Variants in ARHGAP11B observed in about 807,000 individuals in gnomAD.
ARHGAP11B encodes inactive Rho GTPase-activating protein 11B.
ARHGAP11B carries 14 observed loss-of-function variants against 27.6 expected under a neutral mutation model. The ratio of observed to expected loss-of-function variants is 0.51; its 90% CI spans 0.34 to 0.79. ARHGAP11B has a LOEUF of 0.79. Among genes scored for constraint, ARHGAP11B ranks in the 30% least tolerant of loss-of-function variants. The pLI is 0.02. For synonymous variants in ARHGAP11B, 82 were observed against 114.1 expected, an observed-to-expected ratio of 0.72 and a Z score of 1.80; for missense variants, 245 against 320.1, an observed-to-expected ratio of 0.77 and a Z score of 1.79.
At position 30,638,733 on chromosome 15, in the gene ARHGAP11B, T is replaced by C. The variant is rs998521965; in HGVS notation, c.*4-13T>C. ...AAATGTGAAGTTGTAATTGCTTATGTCTTGCATTTCAGATTTTGTTAGTGG... is the reference window on the plus strand; with the variant it reads ...AAATGTGAAGTTGTAATTGCTTATGCCTTGCATTTCAGATTTTGTTAGTGG... On this transcript the variant is annotated splice_polypyrimidine_tract_variant and intron_variant, in intron 6 of 10. Coordinates refer to ENST00000428041, the Ensembl canonical transcript of ARHGAP11B. The C allele has an allele frequency of 1.5e-5, 22 of 1,448,310 alleles. No homozygotes were observed. In the South Asian group the frequency reaches 1.9e-4, roughly 12 times the overall value. 89.7% of individuals were successfully genotyped at this position (1,448,310 alleles called of 1,614,324 possible). A position where few individuals can be genotyped will look rare whatever the true frequency, so the allele number is the denominator to read the frequency against.
chr15:30,629,148 T>C (rs2060228055), intron 1 of ARHGAP11B, among the ~76,000 whole-genome samples: 1 of 152,066 alleles, frequency 6.6e-6, no homozygotes. Flanking sequence ...ATTTAATTCT[T>C]CCTACACCTC....
rs772402848 is a variant in ARHGAP11B, at chr15:30,634,323, G to A, written c.451G>A (p.Glu151Lys). The A allele has an allele frequency of 4.3e-6, 7 of 1,613,446 alleles. No individual in the cohort carries two copies. The Admixed American group carries it at 1.2e-4, about 27-fold the overall frequency. ...GAAAGCTCAACAGTTAGGCACAGAG[G>A]AAAAGAATAAAGCTATACTGTTGCT... The change falls in exon 4 of 11, where the codon GAA becomes AAA. Residue 151 changes from glutamate (E) to lysine (K), a missense_variant. Glu to Lys is a moderately conservative substitution (Grantham distance 56). Transcript: ENST00000428041.
chr15:30,638,685 T>C lies in ARHGAP11B; in HGVS notation c.*4-61T>C, dbSNP rs531238224. The C allele has an allele frequency of 2.3e-5, 24 of 1,038,222 alleles. No individual in the cohort carries two copies. The East Asian group carries it at 6.6e-4, about 28-fold the overall frequency. The allele number at this position is 1,038,222 out of a possible 1,614,324, so 64.3% of individuals were successfully genotyped here. A position where few individuals can be genotyped will look rare whatever the true frequency, so the allele number is the denominator to read the frequency against. On this transcript the variant is annotated intron_variant, in intron 6 of 10. Transcript: ENST00000428041. The stretch of plus-strand genomic sequence containing the variant: ...TGAAAGAAGACCGCAAATATTAATA[T>C]GAATTATTGGTGAAAGACAAGTAAA...
chr15:30,634,284 C>G, exon 4 of ARHGAP11B: 1 of 1,613,172 alleles, frequency 6.2e-7, no homozygotes, highest in African/African-American at 1.3e-5. Flanking sequence ...AGCTGATTTG[C>G]ATGAAGCACT....
intron 2 of ARHGAP11B, 120 bp from the exon 3 acceptor site, chr15:30,633,368 TAC>T: frequency 1.4e-6 from 1 of 735,720 alleles, no homozygotes; most frequent in East Asian, 3.1e-5. Context: ...TCTCAAAGAC[TAC>T]AGAGATTTGT....
chr15:30,628,996 G>C (rs1234426129), intron 1 of ARHGAP11B, among the ~76,000 whole-genome samples: 23 of 151,962 alleles, frequency 1.5e-4, no homozygotes, highest in Non-Finnish European at 3.4e-4. Context: ...AGAAAATTCT[G>C]ATTTACCCAA....
At chr15:30,641,485 A>G (rs1328510617) in intron 7 of ARHGAP11B, 1 of 151,600 alleles carries the variant, frequency 6.6e-6, no homozygotes, top group African/African-American at 2.4e-5. Flanking sequence ...ATAGGTGGCC[A>G]CCACCACACC....
rs766467386 is a variant in ARHGAP11B, at chr15:30,635,210, G to A, written c.660+22G>A. The stretch of plus-strand genomic sequence containing the variant: ...GAAGGTACGATTACAGGCTGCAGTA[G>A]TACAGACTCTTATCGATTATGCATC... On this transcript the variant is annotated intron_variant, in intron 5 of 10. Transcript: ENST00000428041. 76 of 1,610,064 alleles carry A rather than the reference G, an allele frequency of 4.7e-5. 1 individual carries two copies. The highest frequency in any genetic ancestry group is 5.4e-5 in the Non-Finnish European group (64 of 1,177,476).
intron 7 of ARHGAP11B, among the ~76,000 whole-genome samples, chr15:30,643,519 CGCCTGCCTAG>C (rs1220140485): frequency 2.6e-5 from 4 of 151,970 alleles, no homozygotes; most frequent in Non-Finnish European, 2.9e-5. Context: ...CCTCATGATC[CGCCTGCCTAG>C]GCCTGCCAAA....
intron 8 of ARHGAP11B, chr15:30,644,730 T>C: frequency 1.4e-6 from 2 of 1,386,576 alleles, no homozygotes; most frequent in Non-Finnish European, 2.0e-6. Context: ...TTATCGAACA[T>C]GTAGACTGTC....
chr15:30,627,413 T>G (rs1246991413), intron 1 of ARHGAP11B, among the ~76,000 whole-genome samples: 1 of 152,064 alleles, frequency 6.6e-6, no homozygotes, highest in Non-Finnish European at 1.5e-5. Context: ...AGAGTAAGGT[T>G]GTAGAGGGAC....
chr15:30,628,452 CA>C (rs1338652486), intron 1 of ARHGAP11B, among the ~76,000 whole-genome samples: 3 of 152,046 alleles, frequency 2.0e-5, no homozygotes, highest in Non-Finnish European at 4.4e-5. Flanking sequence ...AGTGCTGTTC[CA>C]CCCCTACTAC....
intron 2 of ARHGAP11B, among the ~76,000 whole-genome samples, chr15:30,633,057 AATAC>A (rs1200050185): frequency 7.3e-5 from 11 of 150,296 alleles, no homozygotes; most frequent in African/African-American, 2.7e-4. Context: ...TAGATCGAGC[AATAC>A]GAGGACAACA....
intron 7 of ARHGAP11B, among the ~76,000 whole-genome samples, chr15:30,639,067 G>C (rs1029988070): frequency 1.3e-5 from 2 of 151,750 alleles, no homozygotes; most frequent in South Asian, 2.1e-4. Flanking sequence ...TCTTAATCAT[G>C]CTTTTCTGTT....
At chr15:30,648,500 A>G (rs2060365788) in exon 11 of ARHGAP11B, among the ~76,000 whole-genome samples, 1 of 152,048 alleles carries the variant, frequency 6.6e-6, no homozygotes, top group Non-Finnish European at 1.5e-5. Flanking sequence ...GTTCTGGGCC[A>G]ATTACTTTAA....
intron 6 of ARHGAP11B, among the ~76,000 whole-genome samples, chr15:30,637,946 A>G (rs2060291889): frequency 6.6e-6 from 1 of 151,196 alleles, no homozygotes; most frequent in Admixed American, 6.6e-5. Context: ...CAGTCTCCCA[A>G]GTAGCTGGGA....
At chr15:30,635,011 C>T in intron 4 of ARHGAP11B, 69 bp from the exon 5 acceptor site, 1 of 1,522,634 alleles carries the variant, frequency 6.6e-7, no homozygotes, top group East Asian at 2.3e-5. Flanking sequence ...AAATGTACTA[C>T]ATACGTTATT....
chr15:30,636,480 A>G (rs1002255814), intron 6 of ARHGAP11B, among the ~76,000 whole-genome samples: 4 of 152,034 alleles, frequency 2.6e-5, no homozygotes, highest in African/African-American at 9.7e-5. Context: ...TTTGAATATC[A>G]GAACCAAATG....
intron 6 of ARHGAP11B, among the ~76,000 whole-genome samples, chr15:30,636,933 G>A (rs543174014): frequency 1.8e-4 from 28 of 151,970 alleles, no homozygotes; most frequent in African/African-American, 6.8e-4. Flanking sequence ...GTAAAGACAC[G>A]AATTCCAAGT....
Sources: allele counts gnomAD v4.1 joint callset (sites outside exome capture counted in the v4.1 genomes callset), GRCh38; gene constraint gnomAD v4.1.1; transcripts MANE v1.5; gene names NCBI Gene and HGNC (gene_info 2026-07-23, HGNC 2026-07-21).